ELFN2: variants seen among roughly 807,000 people sequenced by gnomAD.
ELFN2 encodes protein phosphatase 1 regulatory subunit 29.
In ELFN2, 17 loss-of-function variants were observed where a neutral mutation model predicts 45.5. The ratio of observed to expected loss-of-function variants is 0.37; its 90% CI spans 0.26 to 0.56. The LOEUF is 0.56. Among genes scored for constraint, ELFN2 ranks in the 20% least tolerant of loss-of-function variants. The pLI is 0.77. For synonymous variants in ELFN2, 550 were observed against 551.5 expected, an observed-to-expected ratio of 1.00 and a Z score of 0.04; for missense variants, 922 against 1,183.2, an observed-to-expected ratio of 0.78 and a Z score of 3.24.
chr22:37,362,094 G>T (rs962559291), intron 1 of ELFN2, among the ~76,000 whole-genome samples: 12 of 152,224 alleles, frequency 7.9e-5, no homozygotes, highest in Non-Finnish European at 1.5e-5. Flanking sequence ...CAACTGGACA[G>T]TCAATCCTGG....
intron 1 of ELFN2, among the ~76,000 whole-genome samples, chr22:37,423,750 C>T (rs1017855827): frequency 1.3e-5 from 2 of 152,160 alleles, no homozygotes; most frequent in Non-Finnish European, 2.9e-5. Context: ...TCCTCTGGCA[C>T]CCCAGGCATA....
rs1931378560 is a variant in ELFN2 at position 37,371,897 on chromosome 22, G to GGGGAT, written c.*1170_*1174dup. 1 of 152,432 alleles carries GGGGAT rather than the reference G, an allele frequency of 6.6e-6. No individual in the cohort carries two copies. Among genetic ancestry groups the GGGGAT allele is most frequent in the African/African-American group, 2.4e-5 (1 of 41,474 alleles). 9.4% of individuals were successfully genotyped at this position (152,432 alleles called of 1,614,324 possible). On this transcript the variant is annotated 3_prime_UTR_variant, in exon 3 of 3. Coordinates refer to ENST00000402918, the MANE Select transcript of ELFN2 (RefSeq NM_052906.5). This position sits in a 1 kb window ranked among gnomAD's most constrained non-coding sequence, Gnocchi z 6.4. ...GCCAGGCCTGGATGAGCAGCCCAGA[G>GGGGAT]GGGATGGGTGAGAAAGCCCTCCTTC... is the stretch of plus-strand genomic sequence containing the variant.
At chr22:37,403,434 G>A (rs1275330325) in intron 2 of ELFN2, among the ~76,000 whole-genome samples, 2 of 151,798 alleles carry the variant, frequency 1.3e-5, no homozygotes, top group Non-Finnish European at 2.9e-5. Flanking sequence ...GTGGGGATGG[G>A]CCGAGAGAAG....
intron 2 of ELFN2, among the ~76,000 whole-genome samples, chr22:37,397,148 A>C (rs1751775087): frequency 6.6e-6 from 1 of 151,902 alleles, no homozygotes; most frequent in African/African-American, 2.4e-5. Context: ...GTCTGGCTTC[A>C]CCACTCCACT....
At chr22:37,416,915 C>G (rs1325380170) in intron 2 of ELFN2, among the ~76,000 whole-genome samples, 1 of 152,194 alleles carries the variant, frequency 6.6e-6, no homozygotes, top group Non-Finnish European at 1.5e-5. Flanking sequence ...ACCACCGCAC[C>G]TTGGAGATAG....
At chr22:37,354,422 A>G (rs1930899916) in intron 1 of ELFN2, 1 of 152,270 alleles carries the variant, frequency 6.6e-6, no homozygotes, top group Non-Finnish European at 1.5e-5. Context: ...AAAACACTGC[A>G]GAAGGTATTT....
intron 1 of ELFN2, among the ~76,000 whole-genome samples, chr22:37,350,961 C>A (rs79827157): frequency 0.011 from 1,693 of 150,684 alleles, 46 homozygotes; most frequent in African/African-American, 0.039. Context: ...GCCCTCTAAT[C>A]CTGCCCCTGC....
At chr22:37,388,962 C>T (rs1932025546) in intron 2 of ELFN2, among the ~76,000 whole-genome samples, 1 of 152,210 alleles carries the variant, frequency 6.6e-6, no homozygotes, top group African/African-American at 2.4e-5. Flanking sequence ...TGGGAGAGGT[C>T]ACAGAGAATA....
chr22:37,386,959 C>T (rs777074220), intron 2 of ELFN2, among the ~76,000 whole-genome samples: 6 of 152,338 alleles, frequency 3.9e-5, no homozygotes, highest in East Asian at 3.9e-4. Flanking sequence ...CTCAGAGGGC[C>T]GTGGAGGGGG....
intron 2 of ELFN2, among the ~76,000 whole-genome samples, chr22:37,415,928 A>G (rs1932755588): frequency 6.6e-6 from 1 of 152,182 alleles, no homozygotes; most frequent in Admixed American, 6.5e-5. Flanking sequence ...GTGCCACTGC[A>G]CTCCAGCCTG....
chr22:37,406,999 G>T (rs998627381), intron 2 of ELFN2, among the ~76,000 whole-genome samples: 1 of 152,268 alleles, frequency 6.6e-6, no homozygotes, highest in African/African-American at 2.4e-5. Flanking sequence ...AGGTGCCCCA[G>T]TAGGCATGCA....
At chr22:37,367,641 G>T (rs1022481938), downstream of ELFN2, among the ~76,000 whole-genome samples, 1 of 152,234 alleles carries the variant, frequency 6.6e-6, no homozygotes, top group Non-Finnish European at 1.5e-5. Flanking sequence ...GGAGGCCAGG[G>T]CAGCAGAAAA....
chr22:37,358,604 C>T (rs1006280676), intron 1 of ELFN2, among the ~76,000 whole-genome samples: 9 of 152,180 alleles, frequency 5.9e-5, no homozygotes, highest in Middle Eastern at 3.2e-3. Context: ...AACTGGGTCC[C>T]GTGGCCATTC....
intron 2 of ELFN2, among the ~76,000 whole-genome samples, chr22:37,384,037 G>A (rs934948418): frequency 1.3e-5 from 2 of 152,080 alleles, no homozygotes; most frequent in Non-Finnish European, 2.9e-5. Flanking sequence ...CCTGTCACCT[G>A]CCCACCGTGT....
At chr22:37,379,887 G>A (rs1046591857) in intron 2 of ELFN2, among the ~76,000 whole-genome samples, 14 of 152,192 alleles carry the variant, frequency 9.2e-5, no homozygotes, top group Non-Finnish European at 1.9e-4. Context: ...TCTGGACTCA[G>A]AACTGAGAAG....
rs375431889 is a variant in ELFN2 at position 37,422,949 on chromosome 22, G to A, written c.-614+4349C>T. 1.6e-4 allele frequency among the ~76,000 whole-genome samples: 24 copies of A among 149,002 alleles called. 1 individual carries two copies. The South Asian group carries it at 1.7e-3, about 11-fold the overall frequency. Reference sequence around the variant, plus strand: ...TATTGAGGAAACTGGGCCTCGGGGGGGGGGGGGGAAGTGACTTGCCCAGGA... The same window carrying A: ...TATTGAGGAAACTGGGCCTCGGGGGAGGGGGGGGAAGTGACTTGCCCAGGA... On this transcript the variant is annotated intron_variant, in intron 1 of 2. Coordinates refer to ENST00000402918, the MANE Select transcript of ELFN2 (RefSeq NM_052906.5).
chr22:37,364,950 A>G (rs1391283325), downstream of ELFN2, among the ~76,000 whole-genome samples: 1 of 152,210 alleles, frequency 6.6e-6, no homozygotes, highest in African/African-American at 2.4e-5. Context: ...AAGGAGCAGG[A>G]ATGCTTCCGG....
chr22:37,415,488 C>G (rs1932750905), intron 2 of ELFN2, among the ~76,000 whole-genome samples: 1 of 152,200 alleles, frequency 6.6e-6, no homozygotes, highest in African/African-American at 2.4e-5. Context: ...GGCTCAGCCA[C>G]CAGGGTACTA....
intron 2 of ELFN2, among the ~76,000 whole-genome samples, chr22:37,411,974 C>T (rs951166464): frequency 6.6e-6 from 1 of 151,548 alleles, no homozygotes; most frequent in Non-Finnish European, 1.5e-5. Flanking sequence ...ACTGCCTCTT[C>T]CAAAAAAAAA....
Sources: allele counts gnomAD v4.1 joint callset (sites outside exome capture counted in the v4.1 genomes callset), GRCh38; gene constraint gnomAD v4.1.1; non-coding constraint Gnocchi (gnomAD v3.1); transcripts MANE v1.5; gene names NCBI Gene and HGNC (gene_info 2026-07-23, HGNC 2026-07-21).